Variants in COQ9 observed in about 807,000 individuals in gnomAD.
COQ9 encodes the protein coenzyme Q9.
A neutral mutation model predicts 42.4 loss-of-function variants in COQ9; 35 were observed. The ratio of observed to expected loss-of-function variants is 0.83; its 90% confidence interval spans 0.63 to 1.10. COQ9 has a LOEUF of 1.10. COQ9 is among the 50% of genes least tolerant of loss of function. The pLI is 0.00. For missense variants in COQ9, 406 were observed against 414.6 expected (o/e 0.98, Z 0.18); for synonymous variants, 155 against 155.1 (o/e 1.00, Z 0.00).
At chr16:57,456,844 C>T (rs1407475413) in intron 4 of COQ9, 87 bp from the exon 5 acceptor site, 2 of 1,360,520 alleles carry the variant, frequency 1.5e-6, no homozygotes, top group East Asian at 4.6e-5. Flanking sequence ...GCTGGTGGGA[C>T]CCTCCTCCCT....
At chr16:57,460,366 C>T (rs1371419027) in intron 8 of COQ9, among the ~76,000 whole-genome samples, 1 of 152,072 alleles carries the variant, frequency 6.6e-6, no homozygotes, top group African/African-American at 2.4e-5. Flanking sequence ...ACCTTGCAAA[C>T]CTGGATCTTG....
chr16:57,458,385 A>G, intron 6 of COQ9, 35 bp downstream of exon 6: 1 of 1,465,394 alleles, frequency 6.8e-7, no homozygotes, highest in African/African-American at 1.4e-5. Context: ...GGAGGCTGGG[A>G]AAGGCTTGTG....
Position 57,459,717 on chromosome 16 carries a change from G to A in COQ9, c.864G>A (p.Lys288=). Residue 288 remains lysine, a synonymous_variant, in exon 7 of 9, where the codon AAG becomes AAA. Coordinates refer to ENST00000262507, the MANE Select transcript of COQ9 (RefSeq NM_020312.4). ...CAATGAACATGGGCCACACTGCCAA[G>A]CAGGTAGGTGGGGACTAGCCATTGG... The part of the protein sequence containing the change: ...NDAMNMGHTA[K]QVKSTGEALV... 1 of 1,614,082 alleles carries A rather than the reference G, an allele frequency of 6.2e-7. No homozygotes were observed. The highest frequency in any genetic ancestry group is 1.1e-5 in the South Asian group (1 of 91,084).
At chr16:57,457,327 G>T in intron 5 of COQ9, 3 of 428,792 alleles carry the variant, frequency 7.0e-6, no homozygotes. Flanking sequence ...CATGCAGGAG[G>T]TTAGAAGAGT....
intron 3 of COQ9, 31 bp from the exon 4 acceptor site, chr16:57,456,473 G>T: frequency 1.2e-6 from 2 of 1,613,622 alleles, no homozygotes; most frequent in Non-Finnish European, 1.7e-6. Context: ...CTTGGGCACC[G>T]CTTTTCTGTT....
chr16:57,458,562 T>C (rs2030459316), intron 6 of COQ9, among the ~76,000 whole-genome samples: 1 of 152,254 alleles, frequency 6.6e-6, no homozygotes, highest in South Asian at 2.1e-4. Flanking sequence ...AAACCAGTTA[T>C]TATTTCTTCC....
chr16:57,447,993 T>C (rs567657883), intron 1 of COQ9, among the ~76,000 whole-genome samples: 4 of 152,318 alleles, frequency 2.6e-5, no homozygotes, highest in African/African-American at 9.6e-5. Context: ...TCCTCACCAC[T>C]TCACGAATTC....
Position 57,447,498 on chromosome 16 carries a change from C to T in COQ9, c.-8C>T, listed in dbSNP as rs768601047. 3.1e-6 allele frequency: 4 copies of T among 1,301,786 alleles called. No individual in the cohort carries two copies. Among genetic ancestry groups the T allele is most frequent in the East Asian group, 3.1e-5 (1 of 32,396 alleles). 80.6% of individuals were successfully genotyped at this position (1,301,786 alleles called of 1,614,324 possible). On this transcript the variant is annotated 5_prime_UTR_variant, in exon 1 of 9. Coordinates refer to ENST00000262507, the MANE Select transcript of COQ9 (RefSeq NM_020312.4). ...CGCGTCGCCGTGGGCGACGTGCCCG[C>T]TTCCAAAATGGCGGCGGCGGCGGTA...
intron 3 of COQ9, 188 bp downstream of exon 3, chr16:57,453,124 TG>T (rs2030326974): frequency 1.9e-5 from 13 of 702,104 alleles, no homozygotes; most frequent in Non-Finnish European, 3.2e-5. Context: ...GAACATACCA[TG>T]GAGTTGGTTC....
rs1230684079 is a variant in COQ9 at position 57,460,904 on chromosome 16, C to T, written c.*280C>T. ...TTGAAAAATGAGATGTTCATCCAAG[C>T]AGTCAAGCCACAGAAACCCAGCATG... On this transcript the variant is annotated 3_prime_UTR_variant, in exon 9 of 9. Transcript: ENST00000262507. The T allele has an allele frequency of 2.2e-6, 1 of 445,302 alleles. No individual in the cohort carries two copies. Among genetic ancestry groups the T allele is most frequent in the East Asian group, 4.5e-5 (1 of 22,010 alleles). 27.6% of individuals were successfully genotyped at this position (445,302 alleles called of 1,614,324 possible). A position where few individuals can be genotyped will look rare whatever the true frequency, so the allele number is the denominator to read the frequency against.
chr16:57,450,721 T>C lies in COQ9; in HGVS notation c.74-319T>C, dbSNP rs1253457710. 2.4e-5 allele frequency: 10 copies of C among 409,746 alleles called. No individual in the cohort carries two copies. The Admixed American group carries it at 3.6e-4, about 15-fold the overall frequency. 25.4% of individuals were successfully genotyped at this position (409,746 alleles called of 1,614,324 possible). ...CCACACAGTGCTCTCATTGAGCAAG[T>C]AGAGATTATTACTCTAAATTTGCAG... On this transcript the variant is annotated intron_variant, in intron 1 of 8. Transcript: ENST00000262507.
intron 6 of COQ9, among the ~76,000 whole-genome samples, chr16:57,459,121 T>C (rs1259755043): frequency 1.3e-5 from 2 of 152,208 alleles, no homozygotes; most frequent in Non-Finnish European, 2.9e-5. Flanking sequence ...CTCTCAGCTT[T>C]GCCCAGGTAT....
At chr16:57,458,128 G>T in intron 5 of COQ9, 118 bp from the exon 6 acceptor site, 1 of 763,606 alleles carries the variant, frequency 1.3e-6, no homozygotes, top group Non-Finnish European at 2.3e-6. Flanking sequence ...GAAGATGCTG[G>T]TCTCAGAGAA....
At chr16:57,452,719 G>A (rs772081425) in intron 2 of COQ9, 82 bp from the exon 3 acceptor site, 7 of 1,478,508 alleles carry the variant, frequency 4.7e-6, no homozygotes, top group Non-Finnish European at 6.6e-6. Context: ...GCTTAGAGGA[G>A]ATCCAGAGCC....
intron 3 of COQ9, 137 bp downstream of exon 3, chr16:57,453,073 C>T (rs55918522): frequency 1.3e-5 from 15 of 1,138,404 alleles, no homozygotes; most frequent in Middle Eastern, 2.8e-4. Flanking sequence ...TGGTTTTTTT[C>T]CCCCAATAGG....
At position 57,451,128 on chromosome 16, in the gene COQ9, T is replaced by G. The variant is rs757869710; in HGVS notation, c.162T>G (p.Pro54=). 24 of 1,613,982 alleles carry G rather than the reference T, an allele frequency of 1.5e-5. No individual in the cohort carries two copies. The highest frequency in any genetic ancestry group is 1.7e-6 in the Non-Finnish European group (2 of 1,180,026). ...LRSSDEQKQQ[P]PNSFSQQHSE... ...CTTCAGATGAGCAGAAGCAGCAGCC[T>G]CCCAACTCATTTTCTCAGCAGCATT... Residue 54 remains proline (P), a synonymous_variant, in exon 2 of 9, where the codon CCT becomes CCG. Coordinates refer to ENST00000262507, the MANE Select transcript of COQ9 (RefSeq NM_020312.4).
intron 3 of COQ9, chr16:57,454,224 T>C (rs2030352239): frequency 6.6e-6 from 1 of 152,216 alleles, no homozygotes; most frequent in African/African-American, 2.4e-5. Flanking sequence ...TGGCAAGAAT[T>C]GTCTGTGATC....
rs151072193 is a variant in COQ9, at chr16:57,448,285, T to G, written c.73+707T>G. On this transcript the variant is annotated intron_variant, in intron 1 of 8. Coordinates refer to ENST00000262507, the MANE Select transcript of COQ9 (RefSeq NM_020312.4). ...TTTTGCGGATATTTGTGCCGTATCTTTCAGTACATGTATTAAAATATTGAT... is the reference window on the plus strand; with the variant it reads ...TTTTGCGGATATTTGTGCCGTATCTGTCAGTACATGTATTAAAATATTGAT... 3.6e-3 allele frequency among the ~76,000 whole-genome samples: 546 copies of G among 152,294 alleles called. 4 individuals carry two copies. The highest frequency in any genetic ancestry group is 0.013 in the African/African-American group (528 of 41,562).
intron 3 of COQ9, 91 bp downstream of exon 3, chr16:57,453,027 G>C: frequency 6.5e-7 from 1 of 1,539,436 alleles, no homozygotes; most frequent in Admixed American, 1.7e-5. Context: ...CCTTCTTCCA[G>C]TCTAGCTCAG....
Sources: gnomAD v4.1 joint callset for allele counts (sites outside exome capture counted in the v4.1 genomes callset) on GRCh38, gnomAD v4.1.1 for gene constraint, MANE v1.5 for transcripts, NCBI Gene and HGNC (gene_info 2026-07-23, HGNC 2026-07-21) for gene names.